MTCL1: variants seen among roughly 807,000 people sequenced by gnomAD.
MTCL1 encodes the protein microtubule crosslinking factor 1, also known as microtubule cross-linking factor 1.
A neutral mutation model predicts 141.4 loss-of-function variants in MTCL1; 79 were observed. That is an observed-to-expected ratio of 0.56 (90% CI 0.47 to 0.67). MTCL1 has a LOEUF of 0.67. Ranked by LOEUF, MTCL1 falls within the 30% of genes least tolerant of loss-of-function variation. MTCL1 has a pLI of 0.00. For missense variants in MTCL1, 2,177 were observed against 2,113.9 expected, an observed-to-expected ratio of 1.03 and a Z score of -0.59; for synonymous variants, 914 against 875.8, an observed-to-expected ratio of 1.04 and a Z score of -0.77.
chr18:8,771,468 CAT>C (rs1203158994), intron 4 of MTCL1, among the ~76,000 whole-genome samples: 1 of 152,232 alleles, frequency 6.6e-6, no homozygotes, highest in Non-Finnish European at 1.5e-5. Context: ...TCTGCATCTA[CAT>C]CCTCGTTCCC....
At chr18:8,831,676 C>G (rs1254786815) in exon 17 of MTCL1, 1 of 1,550,488 alleles carries the variant, frequency 6.4e-7, no homozygotes, top group Admixed American at 2.0e-5. Context: ...ACCAGCAAAC[C>G]GTCGCCCTCC....
At chr18:8,716,569 A>ATTTTTTTTTTT (rs138840096), upstream of MTCL1, among the ~76,000 whole-genome samples, 3 of 103,892 alleles carry the variant, frequency 2.9e-5, no homozygotes, top group Non-Finnish European at 5.7e-5. Flanking sequence ...CTTTTTGTTC[A>ATTTTTTTTTTT]TTTTTTTTTT....
At chr18:8,788,379 A>G (rs2075596098) in intron 7 of MTCL1, among the ~76,000 whole-genome samples, 2 of 152,176 alleles carry the variant, frequency 1.3e-5, no homozygotes, top group South Asian at 4.1e-4. Flanking sequence ...CCAATAGCAC[A>G]CCTAGTATCA....
chr18:8,811,805 C>G (rs574979208), intron 11 of MTCL1, among the ~76,000 whole-genome samples: 63 of 152,222 alleles, frequency 4.1e-4, no homozygotes, highest in Non-Finnish European at 7.4e-4. Flanking sequence ...ATGTGAAAGG[C>G]CTTCCTTTGA....
intron 7 of MTCL1, among the ~76,000 whole-genome samples, chr18:8,787,497 G>A (rs1166155722): frequency 6.6e-6 from 1 of 152,246 alleles, no homozygotes; most frequent in East Asian, 1.9e-4. Flanking sequence ...GTAGTGGGAC[G>A]GCTCTGCACT....
chr18:8,771,906 C>T (rs2096486539), intron 4 of MTCL1, among the ~76,000 whole-genome samples: 1 of 152,236 alleles, frequency 6.6e-6, no homozygotes, highest in South Asian at 2.1e-4. Flanking sequence ...CTGCATTTAC[C>T]TGTTCCCTTC....
exon 11 of MTCL1, chr18:8,807,024 C>T (rs550965832): frequency 9.9e-6 from 16 of 1,613,734 alleles, no homozygotes; most frequent in East Asian, 4.5e-5. Flanking sequence ...CGGCCTGGGA[C>T]GTGGAGTGGG....
chr18:8,808,041 C>T (rs1460374611), intron 11 of MTCL1, among the ~76,000 whole-genome samples: 1 of 151,156 alleles, frequency 6.6e-6, no homozygotes, highest in African/African-American at 2.4e-5. Context: ...TCTCCTGGTA[C>T]CCACAAGTTC....
chr18:8,718,370 C>G (rs1378262133), intron 2 of MTCL1, 54 bp from the exon 2 acceptor site: 1 of 1,535,456 alleles, frequency 6.5e-7, no homozygotes, highest in Admixed American at 1.7e-5. Flanking sequence ...GAGAGACATG[C>G]CATCCTTTTT....
intron 4 of MTCL1, among the ~76,000 whole-genome samples, chr18:8,727,018 G>GT (rs1292709367): frequency 1.3e-5 from 2 of 152,010 alleles, no homozygotes; most frequent in African/African-American, 4.8e-5. Flanking sequence ...TTTACCCATT[G>GT]TTTAGCTCTC....
exon 17 of MTCL1, chr18:8,831,808 T>A: frequency 6.5e-7 from 1 of 1,549,968 alleles, no homozygotes; most frequent in Non-Finnish European, 8.7e-7. Context: ...AGATGCAAGC[T>A]TGCATGGATT....
chr18:8,827,053 A>G (rs1469041340), intron 15 of MTCL1, among the ~76,000 whole-genome samples: 1 of 152,176 alleles, frequency 6.6e-6, no homozygotes, highest in Non-Finnish European at 1.5e-5. Flanking sequence ...CACAGAGAGG[A>G]CGTGTCTGTC....
At chr18:8,826,597 C>G (rs1337005727) in intron 15 of MTCL1, among the ~76,000 whole-genome samples, 2 of 152,128 alleles carry the variant, frequency 1.3e-5, no homozygotes, top group East Asian at 1.9e-4. Context: ...ATAGTTGTGT[C>G]AGGCTTGCTG....
At chr18:8,776,197 G>A (rs2096507703) in intron 4 of MTCL1, among the ~76,000 whole-genome samples, 1 of 152,188 alleles carries the variant, frequency 6.6e-6, no homozygotes, top group African/African-American at 2.4e-5. Context: ...GTGGGCGTTG[G>A]GGACAGTCTC....
chr18:8,792,903 G>T (rs1489485726), intron 7 of MTCL1, 95 bp from the exon 7 acceptor site: 1 of 1,531,890 alleles, frequency 6.5e-7, no homozygotes, highest in South Asian at 1.2e-5. Flanking sequence ...GTCGCTCCGT[G>T]TGCGTCCCCA....
chr18:8,761,444 ACTT>A lies in MTCL1; in HGVS notation c.358-16387_358-16385del, dbSNP rs1233019714. ...ACCATCACCATTATCTATTTCAAGA[ACTT>A]CATCATCATCTCAGACAGAAGCTCA... On this transcript the variant is annotated intron_variant, in intron 4 of 16. Transcript: ENST00000359865. 1.2e-4 allele frequency among the ~76,000 whole-genome samples: 19 copies of A among 152,328 alleles called. No individual in the cohort carries two copies. The East Asian group carries it at 3.7e-3, about 29-fold the overall frequency.
intron 14 of MTCL1, among the ~76,000 whole-genome samples, chr18:8,824,329 C>T (rs2076942736): frequency 6.6e-6 from 1 of 152,244 alleles, no homozygotes; most frequent in Admixed American, 6.5e-5. Context: ...CGCCGTGGCT[C>T]ACCGTCTTCA....
chr18:8,739,140 G>T (rs988410786), intron 4 of MTCL1, among the ~76,000 whole-genome samples: 17 of 152,136 alleles, frequency 1.1e-4, no homozygotes, highest in Middle Eastern at 3.2e-3. Flanking sequence ...AGCTACTTGG[G>T]AGCCTGAGGC....
intron 4 of MTCL1, among the ~76,000 whole-genome samples, chr18:8,730,970 T>C (rs1232001322): frequency 2.6e-5 from 4 of 152,080 alleles, no homozygotes; most frequent in East Asian, 1.9e-4. Flanking sequence ...ATTGGCTGGG[T>C]GCGGTGGCTC....
Sources: allele counts gnomAD v4.1 joint callset (sites outside exome capture counted in the v4.1 genomes callset), GRCh38; gene constraint gnomAD v4.1.1; transcripts MANE v1.5; gene names NCBI Gene and HGNC (gene_info 2026-07-23, HGNC 2026-07-21).